Variants in PRKAG2 observed in about 807,000 individuals in gnomAD.
The protein encoded by PRKAG2 is 5'-AMP-activated protein kinase subunit gamma-2.
In PRKAG2, 26 loss-of-function variants were observed where a neutral mutation model predicts 69.6. The observed-to-expected ratio is 0.37, with a 90% confidence interval of 0.27 to 0.52. The LOEUF (loss-of-function observed/expected upper bound fraction) is 0.52, where lower values mean the gene tolerates loss of function less well. Among genes scored for constraint, PRKAG2 ranks in the 20% least tolerant of loss-of-function variants. The pLI is 0.90. For missense variants in PRKAG2, 557 were observed against 740.0 expected (o/e 0.75, Z 2.87); for synonymous variants, 293 against 285.0 (o/e 1.03, Z -0.28).
At chr7:151,737,423 T>G (rs763564611) in intron 3 of PRKAG2, among the ~76,000 whole-genome samples, 3 of 152,034 alleles carry the variant, frequency 2.0e-5, no homozygotes, top group Non-Finnish European at 4.4e-5. Context: ...CAAATGACTA[T>G]GCACATGAGG....
At chr7:151,584,751 A>G (rs975419427) in intron 6 of PRKAG2, among the ~76,000 whole-genome samples, 1 of 152,022 alleles carries the variant, frequency 6.6e-6, no homozygotes, top group Admixed American at 6.6e-5. Flanking sequence ...AAAATAATTA[A>G]CTGAATGTGG....
intron 1 of PRKAG2, among the ~76,000 whole-genome samples, chr7:151,794,672 G>A (rs1399343383): frequency 6.6e-6 from 1 of 152,276 alleles, no homozygotes; most frequent in Non-Finnish European, 1.5e-5. Flanking sequence ...TCGGGTTTCA[G>A]AGGCTTCTGC....
In PRKAG2 at chr7:151,850,042, T is replaced by G. The variant is rs1420286191; in HGVS notation, c.114+26465A>C. 6.6e-6 allele frequency among the ~76,000 whole-genome samples: 1 copy of G among 152,138 alleles called. No individual in the cohort carries two copies. The highest frequency in any genetic ancestry group is 1.5e-5 in the Non-Finnish European group (1 of 68,018). ...GTGCTGTAGCTAGGCACAGAGAGGC[T>G]CTGCTGGGCTGCAGGGGGAGCGAGA... On this transcript the variant is annotated intron_variant, in intron 1 of 15. Transcript: ENST00000287878. The surrounding 1 kb of genome is among the most constrained non-coding windows in gnomAD (Gnocchi z 4.1).
At chr7:151,685,891 A>G (rs1834649322) in intron 3 of PRKAG2, among the ~76,000 whole-genome samples, 1 of 152,228 alleles carries the variant, frequency 6.6e-6, no homozygotes, top group African/African-American at 2.4e-5. Context: ...TTTTAAAACA[A>G]AACAAAAAAT....
At chr7:151,779,221 A>T (rs2076550687) in intron 3 of PRKAG2, among the ~76,000 whole-genome samples, 1 of 152,240 alleles carries the variant, frequency 6.6e-6, no homozygotes, top group Non-Finnish European at 1.5e-5. Context: ...CCCAGTTTCT[A>T]AAAGAACAGC....
chr7:151,770,014 T>C (rs1432192404), intron 3 of PRKAG2, among the ~76,000 whole-genome samples: 2 of 152,212 alleles, frequency 1.3e-5, no homozygotes, highest in Non-Finnish European at 2.9e-5. Context: ...TTCCCGGCCA[T>C]AATGGGATGA....
At chr7:151,809,748 G>A (rs1342920342) in intron 1 of PRKAG2, 1 of 155,156 alleles carries the variant, frequency 6.4e-6, no homozygotes, top group Non-Finnish European at 1.4e-5. Flanking sequence ...GGCAATTAAA[G>A]GATTATCATT....
At chr7:151,762,161 G>A (rs1363740200) in intron 3 of PRKAG2, among the ~76,000 whole-genome samples, 1 of 152,210 alleles carries the variant, frequency 6.6e-6, no homozygotes, top group African/African-American at 2.4e-5. Context: ...GGACAAATGT[G>A]ATGGACTTAG....
intron 1 of PRKAG2, among the ~76,000 whole-genome samples, chr7:151,846,296 C>T (rs2079430895): frequency 6.6e-6 from 1 of 152,020 alleles, no homozygotes; most frequent in Non-Finnish European, 1.5e-5. Flanking sequence ...AGCGAAACCC[C>T]GTCTCTACTA....
intron 5 of PRKAG2, among the ~76,000 whole-genome samples, chr7:151,601,091 G>A (rs1266591196): frequency 1.3e-5 from 2 of 152,088 alleles, no homozygotes; most frequent in African/African-American, 4.8e-5. Flanking sequence ...AGCGCACCTG[G>A]GGAGGACCCC....
intron 3 of PRKAG2, among the ~76,000 whole-genome samples, chr7:151,758,726 A>G (rs1001958234): frequency 6.6e-6 from 1 of 152,230 alleles, no homozygotes; most frequent in Non-Finnish European, 1.5e-5. Flanking sequence ...AAGTGCATGA[A>G]AAGCTCAATA....
chr7:151,851,589 T>C (rs1280922857), intron 1 of PRKAG2, among the ~76,000 whole-genome samples: 1 of 152,158 alleles, frequency 6.6e-6, no homozygotes, highest in African/African-American at 2.4e-5. Context: ...CATATGCCCC[T>C]GTTCAGCCAA....
chr7:151,686,880 A>G (rs549773951), intron 3 of PRKAG2, among the ~76,000 whole-genome samples: 7 of 152,302 alleles, frequency 4.6e-5, no homozygotes, highest in African/African-American at 1.4e-4. Context: ...AAAATATCTG[A>G]GTGATCTTCA....
intron 1 of PRKAG2, among the ~76,000 whole-genome samples, chr7:151,834,254 A>C (rs534619304): frequency 6.6e-6 from 1 of 152,302 alleles, no homozygotes; most frequent in African/African-American, 2.4e-5. Context: ...ACTGACTCCC[A>C]CTTCTAAGGG....
intron 5 of PRKAG2, among the ~76,000 whole-genome samples, chr7:151,597,273 T>C (rs1814781151): frequency 6.6e-6 from 1 of 152,118 alleles, no homozygotes; most frequent in Non-Finnish European, 1.5e-5. Context: ...CAAAAATCAA[T>C]GGAAAATAGA....
chr7:151,588,571 G>A (rs2151099224), intron 6 of PRKAG2, among the ~76,000 whole-genome samples: 1 of 152,190 alleles, frequency 6.6e-6, no homozygotes, highest in South Asian at 2.1e-4. Context: ...TGTTGGCCAG[G>A]CTGGTCTCAA....
At chr7:151,693,045 G>T (rs1214362978) in intron 3 of PRKAG2, among the ~76,000 whole-genome samples, 2 of 152,324 alleles carry the variant, frequency 1.3e-5, no homozygotes, top group East Asian at 3.9e-4. Context: ...GAAAGGTTAG[G>T]CTGGGAGCAG....
intron 1 of PRKAG2, among the ~76,000 whole-genome samples, chr7:151,873,188 G>A (rs1158102979): frequency 9.2e-5 from 14 of 152,164 alleles, no homozygotes; most frequent in Non-Finnish European, 1.5e-5. Context: ...CAGGAGGCGT[G>A]GCTCTTCACC....
intron 1 of PRKAG2, among the ~76,000 whole-genome samples, chr7:151,864,337 A>C (rs1348055252): frequency 6.6e-6 from 1 of 152,228 alleles, no homozygotes; most frequent in Non-Finnish European, 1.5e-5. Flanking sequence ...GCCACTGGCC[A>C]GCCATGCGAC....
Sources: gnomAD v4.1 joint callset for allele counts (sites outside exome capture counted in the v4.1 genomes callset) on GRCh38, gnomAD v4.1.1 for gene constraint, Gnocchi (gnomAD v3.1) non-coding constraint, MANE v1.5 for transcripts, NCBI Gene and HGNC (gene_info 2026-07-23, HGNC 2026-07-21) for gene names.